Variants in LAMB4 observed in about 807,000 individuals in gnomAD.
LAMB4 encodes the protein laminin subunit beta 4.
Under a neutral mutation model 199.2 loss-of-function variants are expected in LAMB4, and 196 were observed. That is an observed-to-expected ratio of 0.98 (90% CI 0.88 to 1.11). The LOEUF (loss-of-function observed/expected upper bound fraction) is 1.11. LAMB4 is among the 50% of genes least tolerant of loss of function. The probability of loss-of-function intolerance (pLI) is 0.00; values close to 1 mark genes in which losing one functional copy is unlikely to be tolerated. For missense variants in LAMB4, 2,080 were observed against 2,171.2 expected (o/e 0.96, Z 0.83); for synonymous variants, 744 against 770.6 (o/e 0.97, Z 0.57).
At position 108,060,647 on chromosome 7, in the gene LAMB4, C is replaced by T. The variant is rs1012510080; in HGVS notation, c.3282+2127G>A. Among the ~76,000 whole-genome samples the T allele has an allele frequency of 5.9e-5, 9 of 152,276 alleles. 1 individual carries two copies. In the East Asian group the frequency reaches 7.7e-4, roughly 13 times the overall value. On this transcript the variant is annotated intron_variant, in intron 23 of 33. Coordinates refer to ENST00000388781, the MANE Select transcript of LAMB4 (RefSeq NM_007356.3). The stretch of plus-strand genomic sequence containing the variant: ...GGCCTATGTCAAAGGGACACAGGAG[C>T]CACTGAGAGATCTTCTAGTGACCAA...
chr7:108,111,151 T>C (rs1238586465), intron 4 of LAMB4, among the ~76,000 whole-genome samples: 1 of 152,166 alleles, frequency 6.6e-6, no homozygotes, highest in Non-Finnish European at 1.5e-5. Flanking sequence ...AAGTCCGGCC[T>C]GGATGGACAT....
chr7:108,069,860 G>A lies in LAMB4; in HGVS notation c.2150C>T (p.Ser717Leu). Residue 717 changes from serine to leucine, a missense_variant, in exon 18 of 34, where the codon TCA (serine) becomes TTA (leucine). Physicochemically the swap from Ser to Leu is moderately radical, Grantham distance 145. Coordinates refer to ENST00000388781, the MANE Select transcript of LAMB4 (RefSeq NM_007356.3). ...CTGCTTGCTGCAGAAATTCTCCAAT[G>A]AATTGATTTGGGGAATAAGGCCAAG... ...DSLGLIPQIN[S>L]LENFCSKQDL... 1 of 1,613,220 alleles carries A rather than the reference G, an allele frequency of 6.2e-7. No homozygotes were observed. The highest frequency in any genetic ancestry group is 1.7e-5 in the Admixed American group (1 of 59,992).
At chr7:108,110,527 A>C (rs1201035563) in intron 4 of LAMB4, among the ~76,000 whole-genome samples, 1 of 152,158 alleles carries the variant, frequency 6.6e-6, no homozygotes, top group Non-Finnish European at 1.5e-5. Flanking sequence ...TGAAAAGCTT[A>C]GGTACGTGTT....
chr7:108,123,144 A>T lies in LAMB4; in HGVS notation c.21T>A (p.Leu7=). ...ACAAATACTCACCAAGGTGCAAAAAAAGGGTCAGTTGAAATTGCATTCTTT... is the reference window on the plus strand; with the variant it reads ...ACAAATACTCACCAAGGTGCAAAAATAGGGTCAGTTGAAATTGCATTCTTT... MQFQLT[L]FLHLGWLSYS... Residue 7 remains leucine, a synonymous_variant, in exon 2 of 34, where the codon CTT becomes CTA. Coordinates refer to ENST00000388781, the MANE Select transcript of LAMB4 (RefSeq NM_007356.3). 6.2e-7 allele frequency: 1 copy of T among 1,611,006 alleles called. No individual in the cohort carries two copies. Among genetic ancestry groups the T allele is most frequent in the Non-Finnish European group, 8.5e-7 (1 of 1,179,308 alleles).
At chr7:108,054,398 A>C (rs2035916356) in intron 25 of LAMB4, among the ~76,000 whole-genome samples, 1 of 152,102 alleles carries the variant, frequency 6.6e-6, no homozygotes, top group Non-Finnish European at 1.5e-5. Context: ...TGCACCTTTT[A>C]AGCAATTATC....
chr7:108,106,569 C>A lies in LAMB4; in HGVS notation c.595G>T (p.Val199Phe), dbSNP rs1234964998. The A allele has an allele frequency of 3.9e-6, 6 of 1,530,924 alleles. No homozygotes were observed. Among genetic ancestry groups the A allele is most frequent in the Non-Finnish European group, 5.4e-6 (6 of 1,107,304 alleles). 94.8% of individuals were successfully genotyped at this position (1,530,924 alleles called of 1,614,324 possible). ...DIEPSTGGEVVLKVLDPSFEI... is the reference protein window; with the variant it reads ...DIEPSTGGEVFLKVLDPSFEI... ...AAACTGGGATCCAAAACTTTTAAAA[C>A]AACCTGTAAAACAAATATAGATACA... Residue 199 changes from valine to phenylalanine, a missense_variant, in exon 7 of 34, where the codon GTT (valine) becomes TTT (phenylalanine). Val to Phe is a conservative substitution (Grantham distance 50). Transcript: ENST00000388781.
rs551765516 is a variant in LAMB4 at position 108,062,645 on chromosome 7, T to C, written c.3282+129A>G. On this transcript the variant is annotated intron_variant, in intron 23 of 33. Transcript: ENST00000388781. ...TGATAGAGGCTGACTCCATCCCCTG[T>C]AAGGCCAATCCTGTTTCAATGCACT... 3.8e-5 allele frequency: 19 copies of C among 495,990 alleles called. No homozygotes were observed. The South Asian group carries it at 2.0e-3, about 51-fold the overall frequency. 30.7% of individuals were successfully genotyped at this position (495,990 alleles called of 1,614,324 possible). A position where few individuals can be genotyped will look rare whatever the true frequency, so the allele number is the denominator to read the frequency against.
chr7:108,029,092 C>T lies in LAMB4; in HGVS notation c.5097G>A (p.Ala1699=), dbSNP rs149232548. The change falls in exon 33 of 34, where the codon GCG becomes GCA. Residue 1699 remains alanine (A), a synonymous_variant. Coordinates refer to ENST00000388781, the MANE Select transcript of LAMB4 (RefSeq NM_007356.3). ...TLGKVKQLKD[A]AEKLAGDTEA... is the part of the protein sequence containing the mutation. ...CTGTATCTCCAGCCAATTTTTCTGC[C>T]GCATCTTTTAGCTGTTTAACTTTTC... 3.4e-5 allele frequency: 55 copies of T among 1,613,682 alleles called. No homozygotes were observed. Among genetic ancestry groups the T allele is most frequent in the Middle Eastern group, 1.6e-4 (1 of 6,078 alleles).
chr7:108,105,755 T>A (rs1343538220), intron 8 of LAMB4, 62 bp downstream of exon 8: 2 of 1,375,750 alleles, frequency 1.5e-6, no homozygotes, highest in African/African-American at 2.8e-5. Context: ...CATCTATATA[T>A]AGCACCAGGA....
At chr7:108,096,256 C>T (rs780811424) in intron 11 of LAMB4, among the ~76,000 whole-genome samples, 2 of 152,132 alleles carry the variant, frequency 1.3e-5, no homozygotes, top group Non-Finnish European at 2.9e-5. Flanking sequence ...ATTATATAGT[C>T]TTTGTCTTTT....
Position 108,103,161 on chromosome 7 carries a change from T to C in LAMB4, c.1063A>G (p.Ser355Gly). The C allele has an allele frequency of 6.2e-7, 1 of 1,608,748 alleles. No homozygotes were observed. Among genetic ancestry groups the C allele is most frequent in the African/African-American group, 1.3e-5 (1 of 75,016 alleles). ...MTTYLASGGL[S>G]GGVCEDCQHN... ...TGGCAGTCTTCACACACGCCCCCGC[T>C]GAGGCCACCGCTTGCCAGGTACGTA... Residue 355 changes from serine (S) to glycine (G), a missense_variant, in exon 10 of 34, where the codon AGC (serine) becomes GGC (glycine). Transcript: ENST00000388781.
intron 5 of LAMB4, among the ~76,000 whole-genome samples, chr7:108,108,965 T>A (rs578009094): frequency 7.2e-4 from 109 of 152,270 alleles, no homozygotes; most frequent in African/African-American, 2.5e-3. Context: ...TCTAATTTTT[T>A]AAAAAAATCA....
intron 17 of LAMB4, 29 bp downstream of exon 17, chr7:108,076,915 A>G: frequency 6.2e-7 from 1 of 1,611,720 alleles, no homozygotes; most frequent in Non-Finnish European, 8.5e-7. Context: ...GTAGCGAAGA[A>G]AGCACCCACA....
intron 16 of LAMB4, 151 bp from the exon 17 acceptor site, chr7:108,077,215 G>C: frequency 1.4e-6 from 1 of 693,442 alleles, no homozygotes; most frequent in South Asian, 2.0e-5. Flanking sequence ...CAGCACAGGT[G>C]GGTTGGTTGG....
chr7:108,067,096 C>T (rs1257291303), intron 19 of LAMB4, among the ~76,000 whole-genome samples: 1 of 152,074 alleles, frequency 6.6e-6, no homozygotes, highest in Non-Finnish European at 1.5e-5. Context: ...GCCAATCTTC[C>T]CTGTGCCAAA....
intron 26 of LAMB4, 117 bp from the exon 27 acceptor site, chr7:108,049,648 T>G (rs2035763521): frequency 3.5e-6 from 2 of 571,164 alleles, no homozygotes; most frequent in Non-Finnish European, 6.0e-6. Flanking sequence ...ACTATCACCA[T>G]AAAATTTCAA....
At chr7:108,055,567 A>C in intron 25 of LAMB4, 65 bp downstream of exon 25, 1 of 1,470,866 alleles carries the variant, frequency 6.8e-7, no homozygotes, top group Non-Finnish European at 9.3e-7. Context: ...TGACGATGTT[A>C]AAGCTTGGTG....
chr7:108,079,819 C>T (rs1189920646), intron 14 of LAMB4, 33 bp from the exon 15 acceptor site: 5 of 1,519,902 alleles, frequency 3.3e-6, no homozygotes, highest in Non-Finnish European at 4.4e-6. Context: ...ATAGCTTTGC[C>T]TACAGTCAAG....
rs373007456 is a variant in LAMB4 at position 108,078,189 on chromosome 7, T to C, written c.2003+12A>G. On this transcript the variant is annotated intron_variant, in intron 16 of 33. Transcript: ENST00000388781. Reference sequence around the variant, plus strand: ...GAAGCTTTCAATGTTTGAGGACCGGTCTGAAACATACCTCGTAGCCGCTGG... The same window carrying C: ...GAAGCTTTCAATGTTTGAGGACCGGCCTGAAACATACCTCGTAGCCGCTGG... The C allele has an allele frequency of 7.8e-5, 120 of 1,539,268 alleles. No individual in the cohort carries two copies. Among genetic ancestry groups the C allele is most frequent in the Non-Finnish European group, 1.0e-4 (115 of 1,119,810 alleles).
Sources: allele counts gnomAD v4.1 joint callset (sites outside exome capture counted in the v4.1 genomes callset), GRCh38; gene constraint gnomAD v4.1.1; transcripts MANE v1.5; gene names NCBI Gene and HGNC (gene_info 2026-07-23, HGNC 2026-07-21).